The following PRKG1 variants were observed in gnomAD, a reference collection of about 807,000 sequenced individuals.
PRKG1 encodes the protein cGMP-dependent protein kinase 1.
A neutral mutation model predicts 88.1 loss-of-function variants in PRKG1; 35 were observed. The ratio of observed to expected loss-of-function variants is 0.40; its 90% CI spans 0.30 to 0.53. The LOEUF (loss-of-function observed/expected upper bound fraction) is 0.53, where lower values mean the gene tolerates loss of function less well. PRKG1 is among the 20% of genes least tolerant of loss of function. The probability of loss-of-function intolerance (pLI) is 0.59; values close to 1 mark genes in which losing one functional copy is unlikely to be tolerated. For synonymous variants in PRKG1, 303 were observed against 292.5 expected, an observed-to-expected ratio of 1.04 and a Z score of -0.37; for missense variants, 540 against 839.8, an observed-to-expected ratio of 0.64 and a Z score of 4.41.
At chr10:51,234,269 T>C (rs1378191294) in intron 2 of PRKG1, among the ~76,000 whole-genome samples, 1 of 152,172 alleles carries the variant, frequency 6.6e-6, no homozygotes, top group Non-Finnish European at 1.5e-5. Context: ...AATTTTCTTC[T>C]GCTTATGGTT....
chr10:50,993,034 C>T (rs1842798289), intron 1 of PRKG1, among the ~76,000 whole-genome samples: 1 of 152,162 alleles, frequency 6.6e-6, no homozygotes, highest in Non-Finnish European at 1.5e-5. Flanking sequence ...GTCCTTTCCA[C>T]TGTCCCCATC....
At chr10:51,916,759 G>A (rs751068824) in intron 5 of PRKG1, among the ~76,000 whole-genome samples, 5 of 152,164 alleles carry the variant, frequency 3.3e-5, no homozygotes, top group African/African-American at 9.7e-5. Context: ...TTCAAAAAGT[G>A]CAAACAACCC....
chr10:51,789,225 G>T (rs1838805462), intron 3 of PRKG1, among the ~76,000 whole-genome samples: 1 of 152,154 alleles, frequency 6.6e-6, no homozygotes. Flanking sequence ...CTGTTGTTAT[G>T]CACAGATGTG....
chr10:51,435,595 A>G lies in PRKG1; in HGVS notation c.479-32128A>G, dbSNP rs193102133. On this transcript the variant is annotated intron_variant, in intron 2 of 17. Coordinates refer to ENST00000373980, the MANE Select transcript of PRKG1 (RefSeq NM_006258.4). ...TTGGCCTCTTTTGTTTGAAATGTCT[A>G]CCTTTCTTGGACTGGTTCAAAGTAC... Among the ~76,000 whole-genome samples, 318 of 151,852 alleles carry G rather than the reference A, an allele frequency of 2.1e-3. 2 individuals are homozygous for G. The highest frequency in any genetic ancestry group is 7.3e-3 in the African/African-American group (304 of 41,416).
At chr10:51,605,085 C>T (rs576057867) in intron 3 of PRKG1, among the ~76,000 whole-genome samples, 39 of 152,214 alleles carry the variant, frequency 2.6e-4, no homozygotes, top group Non-Finnish European at 4.7e-4. Flanking sequence ...GGAGTCGGGC[C>T]GCCCAAGGCT....
intron 1 of PRKG1, among the ~76,000 whole-genome samples, chr10:51,057,781 A>G (rs373048628): frequency 6.6e-6 from 1 of 152,114 alleles, no homozygotes; most frequent in Non-Finnish European, 1.5e-5. Flanking sequence ...CATTTGTGCT[A>G]TTGCCAGTTT....
chr10:51,784,010 T>C (rs1311328641), intron 3 of PRKG1, among the ~76,000 whole-genome samples: 1 of 152,096 alleles, frequency 6.6e-6, no homozygotes, highest in African/African-American at 2.4e-5. Flanking sequence ...TGGTTAACTC[T>C]TTCTCCATCC....
At position 50,991,390 on chromosome 10, in the gene PRKG1, A is replaced by T. The variant is rs1257574957; in HGVS notation, c.12A>T (p.Leu4=). ...GGCTCAGTGAAAAAATGAGCGAGCT[A>T]GAGGAAGACTTTGCCAAGATTCTCA... The change falls in exon 1 of 18, where the codon CTA becomes CTT. Residue 4 remains leucine, a synonymous_variant. Coordinates refer to the PRKG1 transcript ENST00000401604. The surrounding 1 kb of genome is among the most constrained non-coding windows in gnomAD (Gnocchi z 4.5). 1 of 1,545,710 alleles carries T rather than the reference A, an allele frequency of 6.5e-7. No homozygotes were observed. The highest frequency in any genetic ancestry group is 8.7e-7 in the Non-Finnish European group (1 of 1,145,942).
In PRKG1 at chr10:50,998,188, T is replaced by G. The variant is rs1842854360; in HGVS notation, c.266+6544T>G. 2.0e-5 allele frequency among the ~76,000 whole-genome samples: 3 copies of G among 152,332 alleles called. No homozygotes were observed. The South Asian group carries it at 6.2e-4, about 32-fold the overall frequency. ...TTCTTTTACCCAGTGATGATTTTTCTTCTCCTTTTCCATGCTCCTGGATCT... is the reference window on the plus strand; with the variant it reads ...TTCTTTTACCCAGTGATGATTTTTCGTCTCCTTTTCCATGCTCCTGGATCT... On this transcript the variant is annotated intron_variant, in intron 1 of 17. Coordinates refer to the PRKG1 transcript ENST00000401604.
intron 2 of PRKG1, among the ~76,000 whole-genome samples, chr10:51,415,555 C>T (rs1044831875): frequency 3.3e-5 from 5 of 152,154 alleles, no homozygotes; most frequent in Admixed American, 2.0e-4. Context: ...GGGCTCTCTA[C>T]AGACAGGACT....
Position 51,388,079 on chromosome 10 carries a change from T to C in PRKG1, c.479-79644T>C, listed in dbSNP as rs144892775. On this transcript the variant is annotated intron_variant, in intron 2 of 17. Coordinates refer to ENST00000373980, the MANE Select transcript of PRKG1 (RefSeq NM_006258.4). ...TAATTTAAGAGTTGAAGAAATGATG[T>C]GGTATATTTTTGAAACTTACTTTTA... Among the ~76,000 whole-genome samples the C allele has an allele frequency of 8.0e-3, 1,213 of 152,364 alleles. 9 individuals carry two copies. Among genetic ancestry groups the C allele is most frequent in the Non-Finnish European group, 0.011 (767 of 68,034 alleles).
At chr10:51,681,552 C>T (rs1471341634) in intron 3 of PRKG1, among the ~76,000 whole-genome samples, 1 of 152,134 alleles carries the variant, frequency 6.6e-6, no homozygotes, top group Non-Finnish European at 1.5e-5. Context: ...TCAGATTTCT[C>T]TCTTATATCT....
At chr10:52,229,017 C>T in intron 9 of PRKG1, among the ~76,000 whole-genome samples, 1 of 152,180 alleles carries the variant, frequency 6.6e-6, no homozygotes, top group East Asian at 1.9e-4. Context: ...CTAATAAACT[C>T]ACATGACATG....
chr10:51,886,595 A>G (rs372214192), intron 4 of PRKG1, among the ~76,000 whole-genome samples: 1 of 152,150 alleles, frequency 6.6e-6, no homozygotes, highest in Non-Finnish European at 1.5e-5. Context: ...GTCTGCTTCT[A>G]TTTGGGTGAC....
chr10:51,715,141 G>A (rs1473532889), intron 3 of PRKG1, among the ~76,000 whole-genome samples: 1 of 152,126 alleles, frequency 6.6e-6, no homozygotes, highest in African/African-American at 2.4e-5. Context: ...TGGGATAATA[G>A]GGAGGTTTGG....
At chr10:52,233,746 C>T (rs952789128) in intron 9 of PRKG1, among the ~76,000 whole-genome samples, 6 of 149,308 alleles carry the variant, frequency 4.0e-5, no homozygotes, top group South Asian at 2.1e-4. Context: ...GAGGGGCGCC[C>T]GCCATTGCCC....
At chr10:51,144,933 C>G (rs535363234) in intron 1 of PRKG1, among the ~76,000 whole-genome samples, 1 of 152,162 alleles carries the variant, frequency 6.6e-6, no homozygotes, top group East Asian at 1.9e-4. Context: ...GTATTTCTGC[C>G]ATTGAATACA....
At chr10:52,169,714 A>G (rs748098864) in intron 9 of PRKG1, among the ~76,000 whole-genome samples, 1 of 152,262 alleles carries the variant, frequency 6.6e-6, no homozygotes, top group African/African-American at 2.4e-5. Flanking sequence ...CCCGCCTTGC[A>G]AAGGCTACAA....
intron 5 of PRKG1, among the ~76,000 whole-genome samples, chr10:51,931,763 C>T (rs2133006095): frequency 6.6e-6 from 1 of 152,132 alleles, no homozygotes; most frequent in East Asian, 1.9e-4. Context: ...ATATGATCAA[C>T]CATAGTAAAT....
Sources: gnomAD v4.1 joint callset for allele counts (sites outside exome capture counted in the v4.1 genomes callset) on GRCh38, gnomAD v4.1.1 for gene constraint, Gnocchi (gnomAD v3.1) non-coding constraint, MANE v1.5 for transcripts, NCBI Gene and HGNC (gene_info 2026-07-23, HGNC 2026-07-21) for gene names.